The following HDAC4 variants were observed in gnomAD, a reference collection of about 807,000 sequenced individuals.
HDAC4 encodes histone deacetylase 4.
Under a neutral mutation model 135.1 loss-of-function variants are expected in HDAC4, and 16 were observed. That is an observed-to-expected ratio of 0.12 (90% CI 0.08 to 0.18). The LOEUF (loss-of-function observed/expected upper bound fraction) is 0.18, where lower values mean the gene tolerates loss of function less well. HDAC4 is among the 10% of genes least tolerant of loss of function. The probability of loss-of-function intolerance (pLI) is 1.00; values close to 1 mark genes in which losing one functional copy is unlikely to be tolerated. For missense variants in HDAC4, 1,143 were observed against 1,511.8 expected (o/e 0.76, Z 4.05); for synonymous variants, 685 against 653.4 (o/e 1.05, Z -0.74).
At chr2:239,109,802 G>A (rs1014765842) in intron 14 of HDAC4, among the ~76,000 whole-genome samples, 2 of 152,280 alleles carry the variant, frequency 1.3e-5, no homozygotes, top group African/African-American at 2.4e-5. Flanking sequence ...AGTTGCTCAC[G>A]GATACAAGGA....
chr2:239,117,725 G>T (rs1219747297), intron 12 of HDAC4, among the ~76,000 whole-genome samples: 1 of 152,146 alleles, frequency 6.6e-6, no homozygotes, highest in East Asian at 1.9e-4. Flanking sequence ...CCCAGATCGA[G>T]GGGTCTCTCC....
intron 2 of HDAC4, among the ~76,000 whole-genome samples, chr2:239,283,850 A>G (rs2050971354): frequency 6.6e-6 from 1 of 152,188 alleles, no homozygotes; most frequent in African/African-American, 2.4e-5. Context: ...AAAGCAAAAT[A>G]CATTTGCTAG....
rs2052616461 is a variant in HDAC4 at position 239,306,860 on chromosome 2, G to A, written c.22+45818C>T. Among the ~76,000 whole-genome samples the A allele has an allele frequency of 6.6e-6, 1 of 152,026 alleles. No individual in the cohort carries two copies. Among genetic ancestry groups the A allele is most frequent in the South Asian group, 2.1e-4 (1 of 4,816 alleles). On this transcript the variant is annotated intron_variant, in intron 2 of 26. Transcript: ENST00000543185. This position sits in a 1 kb window ranked among gnomAD's most constrained non-coding sequence, Gnocchi z 4.5. ...CAGACAGGATCGAGAGAACCTTCTG[G>A]AAGGAGCTGCAGGGATGCATGGGGG...
intron 3 of HDAC4, among the ~76,000 whole-genome samples, chr2:239,234,633 A>G (rs1027435080): frequency 6.6e-6 from 1 of 152,202 alleles, no homozygotes; most frequent in Non-Finnish European, 1.5e-5. Flanking sequence ...ATCCCCGGCT[A>G]AGAAATGAGA....
intron 7 of HDAC4, among the ~76,000 whole-genome samples, chr2:239,152,424 C>T: frequency 6.6e-6 from 1 of 152,258 alleles, no homozygotes. Context: ...CCAGGCACCT[C>T]ACCCTGGGCC....
intron 2 of HDAC4, among the ~76,000 whole-genome samples, chr2:239,266,047 C>A (rs749519137): frequency 2.0e-5 from 3 of 152,182 alleles, no homozygotes; most frequent in Admixed American, 1.3e-4. Flanking sequence ...GGACACAGAG[C>A]CCCTAAGCCT....
chr2:239,098,244 A>G (rs936279241), intron 16 of HDAC4, among the ~76,000 whole-genome samples: 3 of 152,234 alleles, frequency 2.0e-5, no homozygotes, highest in South Asian at 2.1e-4. Flanking sequence ...TGGAGCCACA[A>G]TCACCAAGCC....
At chr2:239,339,307 G>A (rs1014219044) in intron 2 of HDAC4, among the ~76,000 whole-genome samples, 3 of 152,176 alleles carry the variant, frequency 2.0e-5, no homozygotes, top group Non-Finnish European at 4.4e-5. Flanking sequence ...GCCAGGTGCC[G>A]ACAGAAGGCA....
intron 4 of HDAC4, among the ~76,000 whole-genome samples, chr2:239,189,357 C>CT (rs146518101): frequency 8.6e-5 from 13 of 151,928 alleles, no homozygotes; most frequent in African/African-American, 2.9e-4. Context: ...CAAAAAAAGT[C>CT]TTTTTTTTCT....
At chr2:239,168,873 C>T (rs1379191100) in intron 5 of HDAC4, among the ~76,000 whole-genome samples, 2 of 152,206 alleles carry the variant, frequency 1.3e-5, no homozygotes, top group African/African-American at 4.8e-5. Context: ...AATCTGACCA[C>T]CCAAATCCTC....
At chr2:239,232,013 G>A (rs889704867) in intron 3 of HDAC4, among the ~76,000 whole-genome samples, 6 of 51,222 alleles carry the variant, frequency 1.2e-4, no homozygotes, top group African/African-American at 3.4e-4. Context: ...GTCCTCAATC[G>A]AGGCTGCTGA....
chr2:239,159,102 C>T (rs912482476), intron 6 of HDAC4, among the ~76,000 whole-genome samples: 1 of 150,800 alleles, frequency 6.6e-6, no homozygotes, highest in Admixed American at 6.6e-5. Context: ...ACACACACAC[C>T]CGCACTTCAC....
intron 2 of HDAC4, among the ~76,000 whole-genome samples, chr2:239,293,720 C>T (rs2125536375): frequency 6.6e-6 from 1 of 152,290 alleles, no homozygotes; most frequent in East Asian, 1.9e-4. Context: ...CTGTGCCTGG[C>T]CACGTGGTTT....
intron 24 of HDAC4, chr2:239,055,211 A>T: frequency 3.4e-6 from 1 of 298,042 alleles, no homozygotes; most frequent in South Asian, 3.0e-5. Context: ...TTAATAAGTA[A>T]GAATGTCTGA....
chr2:239,215,098 G>T (rs2046557119), intron 3 of HDAC4, among the ~76,000 whole-genome samples: 1 of 152,216 alleles, frequency 6.6e-6, no homozygotes, highest in Admixed American at 6.5e-5. Context: ...TCTATGATTT[G>T]ACTGGATGAG....
chr2:239,080,336 G>C (rs1397731995), intron 22 of HDAC4, among the ~76,000 whole-genome samples: 2 of 152,262 alleles, frequency 1.3e-5, no homozygotes, highest in African/African-American at 2.4e-5. Flanking sequence ...TTCTAACAGA[G>C]ACACGGCATG....
intron 2 of HDAC4, among the ~76,000 whole-genome samples, chr2:239,329,066 C>T (rs992700253): frequency 6.6e-6 from 1 of 152,264 alleles, no homozygotes; most frequent in Non-Finnish European, 1.5e-5. Context: ...CCAGGACCCA[C>T]AGGCAGAGCC....
At chr2:239,137,458 AGAG>A (rs1403205504) in intron 9 of HDAC4, among the ~76,000 whole-genome samples, 1 of 151,406 alleles carries the variant, frequency 6.6e-6, no homozygotes, top group Non-Finnish European at 1.5e-5. Flanking sequence ...CCTGGCCTGT[AGAG>A]GAGGAGGTGC....
chr2:239,284,443 C>T (rs1177505109), intron 2 of HDAC4, among the ~76,000 whole-genome samples: 3 of 152,180 alleles, frequency 2.0e-5, no homozygotes, highest in Admixed American at 6.5e-5. Context: ...CGGGGAGCAT[C>T]GCAGAGCTGC....
Sources: gnomAD v4.1 joint callset for allele counts (sites outside exome capture counted in the v4.1 genomes callset) on GRCh38, gnomAD v4.1.1 for gene constraint, Gnocchi (gnomAD v3.1) non-coding constraint, MANE v1.5 for transcripts, NCBI Gene and HGNC (gene_info 2026-07-23, HGNC 2026-07-21) for gene names.